Variants in CAPSL observed in about 807,000 individuals in gnomAD.
The protein encoded by CAPSL is calcyphosine like.
CAPSL carries 17 observed loss-of-function variants against 21.3 expected under a neutral mutation model. The ratio of observed to expected loss-of-function variants is 0.80; its 90% confidence interval spans 0.55 to 1.20. The LOEUF (loss-of-function observed/expected upper bound fraction) is 1.20. CAPSL is among the 50% of genes most tolerant of loss of function. CAPSL has a pLI of 0.00. For missense variants in CAPSL, 289 were observed against 259.3 expected, an observed-to-expected ratio of 1.11 and a Z score of -0.79; for synonymous variants, 102 against 89.3, an observed-to-expected ratio of 1.14 and a Z score of -0.80.
intron 2 of CAPSL, among the ~76,000 whole-genome samples, chr5:35,916,480 T>A (rs1264049000): frequency 6.6e-6 from 1 of 152,164 alleles, no homozygotes; most frequent in African/African-American, 2.4e-5. Context: ...AAGGCTACAG[T>A]AACCAAAACA....
intron 2 of CAPSL, among the ~76,000 whole-genome samples, chr5:35,911,167 C>G (rs1738211900): frequency 6.6e-6 from 1 of 152,204 alleles, no homozygotes; most frequent in Non-Finnish European, 1.5e-5. Context: ...ACAAATTTCT[C>G]TTGCAGAAAA....
intron 2 of CAPSL, among the ~76,000 whole-genome samples, chr5:35,916,560 C>G (rs551388958): frequency 2.0e-5 from 3 of 152,182 alleles, no homozygotes; most frequent in Admixed American, 6.5e-5. Flanking sequence ...AATAATGCCA[C>G]ATATCTACAA....
At chr5:35,926,104 G>C (rs1317814468) in intron 1 of CAPSL, among the ~76,000 whole-genome samples, 1 of 151,750 alleles carries the variant, frequency 6.6e-6, no homozygotes, top group Non-Finnish European at 1.5e-5. Context: ...ACGAAAAAAC[G>C]GGAAAGGCCG....
intron 2 of CAPSL, among the ~76,000 whole-genome samples, chr5:35,917,369 T>C (rs1054378970): frequency 5.9e-5 from 9 of 152,222 alleles, no homozygotes; most frequent in Non-Finnish European, 1.0e-4. Context: ...TTACTGGTTA[T>C]ATACCCAAAG....
rs369384546 is a variant in CAPSL, at chr5:35,920,986, G to A, written c.135C>T (p.Gly45=). Residue 45 remains glycine, a splice_region_variant and synonymous_variant, in exon 2 of 5, where the codon GGC becomes GGT. Transcript: ENST00000651391. ...ARGSAGIKGL[G]RVFRIMDDDN... Reference sequence around the variant, plus strand: ...TGCCACTTGTAGCTGGGTCCTACCTGCCAAGTCCTTTGATCCCAGCAGAGC... The same window carrying A: ...TGCCACTTGTAGCTGGGTCCTACCTACCAAGTCCTTTGATCCCAGCAGAGC... 8.7e-6 allele frequency: 14 copies of A among 1,613,434 alleles called. No homozygotes were observed. Among genetic ancestry groups the A allele is most frequent in the Non-Finnish European group, 1.2e-5 (14 of 1,179,830 alleles).
intron 1 of CAPSL, 124 bp from the exon 2 acceptor site, chr5:35,921,244 A>G: frequency 8.1e-7 from 1 of 1,238,044 alleles, no homozygotes; most frequent in Non-Finnish European, 1.1e-6. Flanking sequence ...ACCTCTCAGA[A>G]TTTCCAATTT....
At chr5:35,912,554 A>G (rs565116606) in intron 2 of CAPSL, among the ~76,000 whole-genome samples, 1 of 152,300 alleles carries the variant, frequency 6.6e-6, no homozygotes, top group Non-Finnish European at 1.5e-5. Flanking sequence ...CTGTTCACCA[A>G]TATCTGCTGT....
chr5:35,914,236 T>G (rs7705615), intron 2 of CAPSL, among the ~76,000 whole-genome samples: 40,330 of 151,994 alleles, frequency 0.27, 5,615 homozygotes, highest in African/African-American at 0.34. Flanking sequence ...ACAAAGAGAC[T>G]TAGACTCCCA....
intron 1 of CAPSL, among the ~76,000 whole-genome samples, chr5:35,921,885 C>G (rs1738548594): frequency 6.6e-6 from 1 of 151,798 alleles, no homozygotes; most frequent in Non-Finnish European, 1.5e-5. Context: ...CTGTTTCCTC[C>G]TCTTTTAACT....
At chr5:35,919,168 A>AAAAAAAAAAATAT (rs1738468948) in intron 2 of CAPSL, among the ~76,000 whole-genome samples, 1 of 113,038 alleles carries the variant, frequency 8.8e-6, no homozygotes, top group Non-Finnish European at 1.9e-5. Flanking sequence ...ATTAAAAAAA[A>AAAAAAAAAAATAT]AAATATATAT....
chr5:35,915,583 C>A (rs986223755), intron 2 of CAPSL, among the ~76,000 whole-genome samples: 2 of 152,142 alleles, frequency 1.3e-5, no homozygotes, highest in Admixed American at 6.5e-5. Context: ...TGTAATCCAG[C>A]ATATAAACAG....
intron 2 of CAPSL, among the ~76,000 whole-genome samples, chr5:35,916,964 C>T (rs1023134593): frequency 6.6e-6 from 1 of 152,142 alleles, no homozygotes; most frequent in African/African-American, 2.4e-5. Context: ...GCAACCTACT[C>T]ATCTGACAAA....
intron 1 of CAPSL, among the ~76,000 whole-genome samples, chr5:35,930,394 A>G (rs1264474445): frequency 6.6e-6 from 1 of 152,192 alleles, no homozygotes; most frequent in Non-Finnish European, 1.5e-5. Context: ...ATATTTTATA[A>G]ATATCATTGT....
chr5:35,915,363 G>A (rs926101101), intron 2 of CAPSL, among the ~76,000 whole-genome samples: 3 of 152,178 alleles, frequency 2.0e-5, no homozygotes, highest in East Asian at 1.9e-4. Flanking sequence ...TATTTTAGGA[G>A]GCCAGCATCA....
At chr5:35,931,517 G>C (rs1738824145) in intron 1 of CAPSL, among the ~76,000 whole-genome samples, 1 of 151,698 alleles carries the variant, frequency 6.6e-6, no homozygotes, top group Non-Finnish European at 1.5e-5. Flanking sequence ...CATCCACTGG[G>C]AATGTCAGGG....
chr5:35,910,240 C>T, intron 3 of CAPSL, 126 bp downstream of exon 3: 3 of 1,176,990 alleles, frequency 2.5e-6, no homozygotes, highest in Admixed American at 2.5e-5. Context: ...AGTCTGTTCA[C>T]AGTTTTCTGC....
intron 1 of CAPSL, among the ~76,000 whole-genome samples, chr5:35,923,775 A>G (rs1217605016): frequency 6.6e-6 from 1 of 152,226 alleles, no homozygotes; most frequent in Non-Finnish European, 1.5e-5. Flanking sequence ...GTGACTGCTT[A>G]ATGAATGTAA....
chr5:35,931,971 C>T (rs1738837177), intron 1 of CAPSL, among the ~76,000 whole-genome samples: 1 of 152,098 alleles, frequency 6.6e-6, no homozygotes, highest in Non-Finnish European at 1.5e-5. Context: ...GGACATTTGC[C>T]CTTTTGCAGC....
intron 1 of CAPSL, among the ~76,000 whole-genome samples, chr5:35,935,981 A>C (rs1321670827): frequency 6.6e-6 from 1 of 152,150 alleles, no homozygotes; most frequent in Non-Finnish European, 1.5e-5. Flanking sequence ...GACAGGTGTC[A>C]CTGTATTTAT....
Sources: gnomAD v4.1 joint callset for allele counts (sites outside exome capture counted in the v4.1 genomes callset) on GRCh38, gnomAD v4.1.1 for gene constraint, MANE v1.5 for transcripts, NCBI Gene and HGNC (gene_info 2026-07-23, HGNC 2026-07-21) for gene names.